NKAIN3: variants seen among roughly 807,000 people sequenced by gnomAD.
The protein encoded by NKAIN3 is sodium/potassium transporting ATPase interacting 3, also known as sodium/potassium-transporting ATPase subunit beta-1-interacting protein 3.
In NKAIN3, 25 loss-of-function variants were observed where a neutral mutation model predicts 30.2. That is an observed-to-expected ratio of 0.83 (90% confidence interval 0.60 to 1.16). The LOEUF is 1.16. Ranked by LOEUF, NKAIN3 falls within the 50% of genes most tolerant of loss-of-function variation. NKAIN3 has a pLI of 0.00. For missense variants in NKAIN3, 225 were observed against 254.1 expected, an observed-to-expected ratio of 0.89 and a Z score of 0.78; for synonymous variants, 91 against 89.6, an observed-to-expected ratio of 1.02 and a Z score of -0.09.
chr8:62,387,300 C>A (rs182121518), intron 1 of NKAIN3, among the ~76,000 whole-genome samples: 2 of 145,874 alleles, frequency 1.4e-5, no homozygotes, highest in African/African-American at 5.0e-5. Flanking sequence ...ATTAGAGTTT[C>A]GGATGGAGTT....
At chr8:62,617,223 C>T (rs1811483868) in intron 3 of NKAIN3, among the ~76,000 whole-genome samples, 1 of 152,108 alleles carries the variant, frequency 6.6e-6, no homozygotes, top group South Asian at 2.1e-4. Context: ...TCAGATATTT[C>T]TTTATAGCAA....
chr8:62,690,930 C>T (rs1220156230), intron 3 of NKAIN3, among the ~76,000 whole-genome samples: 3 of 152,120 alleles, frequency 2.0e-5, no homozygotes, highest in Non-Finnish European at 4.4e-5. Context: ...CCATTATGTG[C>T]CCTGATACTT....
chr8:62,601,632 G>A (rs776355375), intron 3 of NKAIN3, among the ~76,000 whole-genome samples: 1 of 152,014 alleles, frequency 6.6e-6, no homozygotes, highest in African/African-American at 2.4e-5. Flanking sequence ...GATGGTGGTG[G>A]TAGTGGCTGT....
At chr8:62,707,880 T>C (rs1306979266) in intron 3 of NKAIN3, among the ~76,000 whole-genome samples, 1 of 152,204 alleles carries the variant, frequency 6.6e-6, no homozygotes. Flanking sequence ...AAGTCCCTAA[T>C]CCAGCTTGAG....
At chr8:62,709,512 G>A (rs143217011) in intron 3 of NKAIN3, among the ~76,000 whole-genome samples, 4,127 of 152,150 alleles carry the variant, frequency 0.027, 195 homozygotes, top group African/African-American at 0.094. Context: ...GTGTGTAAAG[G>A]TGTTCATAGT....
intron 5 of NKAIN3, among the ~76,000 whole-genome samples, chr8:62,949,221 T>A (rs943101759): frequency 2.0e-5 from 3 of 152,214 alleles, no homozygotes; most frequent in African/African-American, 7.2e-5. Context: ...TGCCTTGAGT[T>A]CCCCTTTGAT....
At chr8:62,715,784 G>A (rs1193142406) in intron 3 of NKAIN3, among the ~76,000 whole-genome samples, 1 of 152,160 alleles carries the variant, frequency 6.6e-6, no homozygotes, top group Non-Finnish European at 1.5e-5. Flanking sequence ...TCCTGAAGAA[G>A]TCACCTAATG....
chr8:62,715,088 GGA>G (rs558334049), intron 3 of NKAIN3, among the ~76,000 whole-genome samples: 3 of 151,998 alleles, frequency 2.0e-5, no homozygotes, highest in Non-Finnish European at 2.9e-5. Context: ...TGGCAGCAGA[GGA>G]GAGAGAGAGA....
At chr8:62,859,676 T>C (rs1820183204) in intron 4 of NKAIN3, among the ~76,000 whole-genome samples, 1 of 152,010 alleles carries the variant, frequency 6.6e-6, no homozygotes, top group African/African-American at 2.4e-5. Context: ...TGTTGCTATA[T>C]TTCCCTATAT....
At chr8:62,661,313 C>G (rs1243929191) in intron 3 of NKAIN3, among the ~76,000 whole-genome samples, 1 of 152,148 alleles carries the variant, frequency 6.6e-6, no homozygotes, top group East Asian at 1.9e-4. Flanking sequence ...TGCCACAGGC[C>G]ACCTGCTTGT....
At chr8:62,443,402 G>A (rs1805389814) in intron 1 of NKAIN3, among the ~76,000 whole-genome samples, 2 of 150,976 alleles carry the variant, frequency 1.3e-5, no homozygotes, top group Admixed American at 6.6e-5. Flanking sequence ...TTTATTTTTT[G>A]AGACAAAGTC....
chr8:62,750,299 T>C (rs899399713), intron 4 of NKAIN3, among the ~76,000 whole-genome samples: 1 of 151,832 alleles, frequency 6.6e-6, no homozygotes, highest in Non-Finnish European at 1.5e-5. Context: ...GGGAAGTATT[T>C]GAGTGCTTTG....
chr8:62,815,450 A>G (rs1456496280), intron 4 of NKAIN3, among the ~76,000 whole-genome samples: 1 of 152,202 alleles, frequency 6.6e-6, no homozygotes, highest in East Asian at 1.9e-4. Context: ...TCCTTGATGA[A>G]CATTGATGCA....
chr8:62,378,390 A>G (rs944551881), intron 1 of NKAIN3, among the ~76,000 whole-genome samples: 1 of 152,242 alleles, frequency 6.6e-6, no homozygotes, highest in Non-Finnish European at 1.5e-5. Flanking sequence ...CAGCTGCAGA[A>G]ATTTGCATAA....
intron 4 of NKAIN3, chr8:62,862,996 T>A (rs187807164): frequency 4.3e-4 from 232 of 540,688 alleles, no homozygotes; most frequent in African/African-American, 4.1e-3. Context: ...TATGCATACA[T>A]ATGTTGGTAT....
intron 1 of NKAIN3, among the ~76,000 whole-genome samples, chr8:62,432,872 G>A (rs28569935): frequency 0.26 from 39,619 of 151,710 alleles, 5,289 homozygotes; most frequent in Middle Eastern, 0.39. Context: ...CAGGGCTTTC[G>A]TATTTGATCA....
At chr8:62,653,215 T>G (rs544070998) in intron 3 of NKAIN3, among the ~76,000 whole-genome samples, 51 of 152,296 alleles carry the variant, frequency 3.3e-4, no homozygotes, top group African/African-American at 9.6e-4. Context: ...GGTGCCAGCA[T>G]GGACAGATTC....
intron 1 of NKAIN3, among the ~76,000 whole-genome samples, chr8:62,280,928 G>A (rs1479882460): frequency 6.6e-6 from 1 of 152,118 alleles, no homozygotes. Context: ...TCTATTGATT[G>A]GAATAGTTTC....
intron 4 of NKAIN3, among the ~76,000 whole-genome samples, chr8:62,753,504 A>G (rs1411180881): frequency 6.6e-6 from 1 of 152,180 alleles, no homozygotes; most frequent in Non-Finnish European, 1.5e-5. Flanking sequence ...AAATTTAGTA[A>G]TTAATTCAAT....
Sources: allele counts gnomAD v4.1 joint callset (sites outside exome capture counted in the v4.1 genomes callset), GRCh38; gene constraint gnomAD v4.1.1; transcripts MANE v1.5; gene names NCBI Gene and HGNC (gene_info 2026-07-23, HGNC 2026-07-21).